The following INPP4B variants were observed in gnomAD, a reference collection of about 807,000 sequenced individuals.
INPP4B encodes the protein inositol polyphosphate 4-phosphatase type II.
A neutral mutation model predicts 122.5 loss-of-function variants in INPP4B; 55 were observed. The observed-to-expected ratio is 0.45, with a 90% CI of 0.36 to 0.56. The LOEUF (loss-of-function observed/expected upper bound fraction) is 0.56, where lower values mean the gene tolerates loss of function less well. Among genes scored for constraint, INPP4B ranks in the 20% least tolerant of loss-of-function variants. The pLI, the probability that INPP4B is intolerant of heterozygous loss-of-function variation, is 0.00. For missense variants in INPP4B, 1,000 were observed against 1,097.7 expected, an observed-to-expected ratio of 0.91 and a Z score of 1.26; for synonymous variants, 403 against 388.7, an observed-to-expected ratio of 1.04 and a Z score of -0.43.
Position 142,218,803 on chromosome 4 carries a change from G to T in INPP4B, c.837-9777C>A, listed in dbSNP as rs1231159351. Among the ~76,000 whole-genome samples, 4 of 152,072 alleles carry T rather than the reference G, an allele frequency of 2.6e-5. No homozygotes were observed. In the South Asian group the frequency reaches 6.2e-4, roughly 24 times the overall value. On this transcript the variant is annotated intron_variant, in intron 12 of 25. Coordinates refer to ENST00000262992, the MANE Select transcript of INPP4B (RefSeq NM_001101669.3). ...ATTAGACCTTAAATCAAACTTAAAA[G>T]AAGTCATAAAAAATTTATTCACTAG...
intron 11 of INPP4B, among the ~76,000 whole-genome samples, chr4:142,246,963 T>A (rs1402370442): frequency 6.6e-6 from 1 of 152,176 alleles, no homozygotes; most frequent in Admixed American, 6.5e-5. Flanking sequence ...TATTTCGAAA[T>A]ATGTTCCATC....
intron 11 of INPP4B, among the ~76,000 whole-genome samples, chr4:142,255,480 C>A (rs1167955338): frequency 6.6e-6 from 1 of 152,078 alleles, no homozygotes; most frequent in Non-Finnish European, 1.5e-5. Flanking sequence ...CAGACACACA[C>A]ATAGGCTCAA....
At chr4:142,536,059 T>C (rs1580311677) in intron 2 of INPP4B, among the ~76,000 whole-genome samples, 1 of 152,264 alleles carries the variant, frequency 6.6e-6, no homozygotes, top group East Asian at 1.9e-4. Flanking sequence ...ACTGCATTTC[T>C]CCCCACAGAG....
intron 7 of INPP4B, among the ~76,000 whole-genome samples, chr4:142,349,298 T>C (rs556762771): frequency 6.6e-6 from 1 of 152,102 alleles, no homozygotes; most frequent in Non-Finnish European, 1.5e-5. Flanking sequence ...AGAAATATTA[T>C]GAATTACTTT....
At chr4:142,030,288 C>T (rs1349877104) in intron 25 of INPP4B, 10 of 1,534,898 alleles carry the variant, frequency 6.5e-6, no homozygotes, top group African/African-American at 1.4e-5. Flanking sequence ...ATTCAGTGCT[C>T]CCTGGGTTTG....
At chr4:142,206,730 G>A (rs1387067570) in intron 14 of INPP4B, among the ~76,000 whole-genome samples, 2 of 151,836 alleles carry the variant, frequency 1.3e-5, no homozygotes, top group Admixed American at 6.6e-5. Context: ...TATGCCATAA[G>A]CCTATCCATC....
At chr4:142,756,015 A>G (rs532215069) in intron 1 of INPP4B, among the ~76,000 whole-genome samples, 9 of 152,176 alleles carry the variant, frequency 5.9e-5, no homozygotes, top group African/African-American at 2.2e-4. Context: ...ATCCAGTCCC[A>G]GCCCTCGACC....
chr4:142,398,113 C>T (rs1286222875), intron 7 of INPP4B, among the ~76,000 whole-genome samples: 2 of 150,822 alleles, frequency 1.3e-5, no homozygotes, highest in South Asian at 2.1e-4. Flanking sequence ...CGGTGGCTCA[C>T]GCCTGTAATC....
Position 142,831,019 on chromosome 4 carries a change from C to T in INPP4B, c.-254+15190G>A, listed in dbSNP as rs547526692. On this transcript the variant is annotated intron_variant, in intron 1 of 25. Coordinates refer to ENST00000262992, the MANE Select transcript of INPP4B (RefSeq NM_001101669.3). ...CCTGGGTGACAGAGTGAGACCCTGT[C>T]TCAAAAAAGGAAAAAAAAAAATAGA... 8.0e-5 allele frequency among the ~76,000 whole-genome samples: 12 copies of T among 150,716 alleles called. No individual in the cohort carries two copies. The East Asian group carries it at 1.8e-3, about 22-fold the overall frequency.
intron 9 of INPP4B, among the ~76,000 whole-genome samples, chr4:142,294,350 A>G (rs188643691): frequency 2.3e-4 from 35 of 152,116 alleles, no homozygotes; most frequent in Admixed American, 2.3e-3. Context: ...TGATGGAAAG[A>G]CAGTCATTGG....
At chr4:142,453,279 T>C (rs1814705184) in intron 3 of INPP4B, among the ~76,000 whole-genome samples, 1 of 152,158 alleles carries the variant, frequency 6.6e-6, no homozygotes, top group African/African-American at 2.4e-5. Context: ...TAAATACATG[T>C]GCTAAAGCAA....
chr4:142,523,585 C>T lies in INPP4B; in HGVS notation c.-190-60859G>A, dbSNP rs138304201. ...TAACCCTTAATCAGTCTCCACTCTTCCCACAATGTCCCTCCTGCATTGCTC... is the reference window on the plus strand; with the variant it reads ...TAACCCTTAATCAGTCTCCACTCTTTCCACAATGTCCCTCCTGCATTGCTC... On this transcript the variant is annotated intron_variant, in intron 2 of 25. Coordinates refer to ENST00000262992, the MANE Select transcript of INPP4B (RefSeq NM_001101669.3). Among the ~76,000 whole-genome samples the T allele has an allele frequency of 6.3e-3, 964 of 152,202 alleles. 22 individuals are homozygous for T. Among genetic ancestry groups the T allele is most frequent in the Admixed American group, 0.032 (493 of 15,270 alleles).
intron 2 of INPP4B, among the ~76,000 whole-genome samples, chr4:142,574,129 T>C (rs1011467061): frequency 3.9e-5 from 6 of 152,052 alleles, no homozygotes; most frequent in African/African-American, 7.2e-5. Context: ...AATAAGACTT[T>C]CAAGACATTA....
At chr4:142,651,037 C>T (rs1026243024) in intron 2 of INPP4B, among the ~76,000 whole-genome samples, 3 of 152,184 alleles carry the variant, frequency 2.0e-5, no homozygotes, top group African/African-American at 4.8e-5. Context: ...GAACAGAGTG[C>T]AATCAAATTA....
intron 6 of INPP4B, 66 bp downstream of exon 6, chr4:142,405,137 GAGC>G: frequency 3.4e-6 from 3 of 875,506 alleles, no homozygotes; most frequent in South Asian, 2.8e-5. Flanking sequence ...GGGAGAGAGA[GAGC>G]AAGAGCGAGC....
intron 1 of INPP4B, among the ~76,000 whole-genome samples, chr4:142,799,645 T>C (rs981518208): frequency 1.3e-5 from 2 of 151,964 alleles, no homozygotes; most frequent in Admixed American, 6.6e-5. Flanking sequence ...AATTCTATAA[T>C]CTGGAGATGC....
At chr4:142,593,454 A>G in intron 2 of INPP4B, among the ~76,000 whole-genome samples, 1 of 151,832 alleles carries the variant, frequency 6.6e-6, no homozygotes, top group Non-Finnish European at 1.5e-5. Context: ...CCATCTACAG[A>G]CCTACCCATC....
At chr4:142,140,893 T>C (rs552526094) in intron 18 of INPP4B, among the ~76,000 whole-genome samples, 1 of 152,194 alleles carries the variant, frequency 6.6e-6, no homozygotes, top group Non-Finnish European at 1.5e-5. Flanking sequence ...TATATTAGAA[T>C]AGTACCTAAA....
intron 7 of INPP4B, among the ~76,000 whole-genome samples, chr4:142,365,030 C>CA (rs1212155030): frequency 6.6e-6 from 1 of 152,034 alleles, no homozygotes; most frequent in Non-Finnish European, 1.5e-5. Context: ...GAGGAGTAGA[C>CA]AAAAAGTCAT....
Sources: allele counts gnomAD v4.1 joint callset (sites outside exome capture counted in the v4.1 genomes callset), GRCh38; gene constraint gnomAD v4.1.1; transcripts MANE v1.5; gene names NCBI Gene and HGNC (gene_info 2026-07-23, HGNC 2026-07-21).